HDX: variants seen among roughly 807,000 people sequenced by gnomAD.
HDX encodes highly divergent homeobox.
In HDX, 19 loss-of-function variants were observed where a neutral mutation model predicts 45.2. The ratio of observed to expected loss-of-function variants is 0.42; its 90% CI spans 0.29 to 0.62. The LOEUF (loss-of-function observed/expected upper bound fraction) is 0.62, where lower values mean the gene tolerates loss of function less well. HDX is among the 20% of genes least tolerant of loss of function. The pLI is 0.20. For synonymous variants in HDX, 188 were observed against 172.8 expected (o/e 1.09, Z -0.69); for missense variants, 532 against 493.9 (o/e 1.08, Z -0.73).
At chrX:84,355,954 C>T (rs1266965234) in intron 6 of HDX, among the ~76,000 whole-genome samples, 9 of 108,981 alleles carry the variant, frequency 8.3e-5, no homozygotes, top group African/African-American at 3.0e-4. Context: ...ATGAGTAAGT[C>T]GGTAAATAGG....
At chrX:84,425,485 C>T (rs181148815) in intron 5 of HDX, among the ~76,000 whole-genome samples, 1 of 111,906 alleles carries the variant, frequency 8.9e-6, no homozygotes, top group East Asian at 2.8e-4. Context: ...AAAAGGAAGG[C>T]AATCAGTATA....
At chrX:84,376,066 T>C (rs954694156) in intron 5 of HDX, among the ~76,000 whole-genome samples, 1 of 112,065 alleles carries the variant, frequency 8.9e-6, no homozygotes, top group African/African-American at 3.2e-5. Context: ...AACTGGAGAT[T>C]ATGATTTAAC....
At chrX:84,384,672 A>G (rs966629574) in intron 5 of HDX, among the ~76,000 whole-genome samples, 4 of 110,574 alleles carry the variant, frequency 3.6e-5, no homozygotes, top group Non-Finnish European at 7.6e-5. Flanking sequence ...CTTATATTTA[A>G]ATCTTTAATA....
chrX:84,336,847 C>G lies in HDX; in HGVS notation c.1694G>C (p.Arg565Thr). ...EPNEVVPNDA[R>T]AHKEEDHHAV... ...ATGGTGGTCCTCTTCCTTATGAGCC[C>G]TTGCATCATTCGGAACAACTTCATT... The change falls in exon 8 of 11, where the codon AGG (arginine) becomes ACG (threonine). Residue 565 changes from arginine to threonine, a missense_variant. Arg to Thr is a moderately conservative substitution (Grantham distance 71). Around this residue, in one of 3 missense-constraint regions of HDX, gnomAD observed 151 missense variants for 131.8 expected, o/e 1.15. Transcript: ENST00000373177. 1.7e-6 allele frequency: 2 copies of G among 1,189,249 alleles called. No homozygotes were observed. The highest frequency in any genetic ancestry group is 2.3e-6 in the Non-Finnish European group (2 of 879,135).
At position 84,354,248 on chromosome X, in the gene HDX, C is replaced by T. The variant is rs189610292; in HGVS notation, c.1452+7218G>A. Among the ~76,000 whole-genome samples, 172 of 111,465 alleles carry T rather than the reference C, an allele frequency of 1.5e-3. 1 individual carries two copies. The highest frequency in any genetic ancestry group is 5.2e-3 in the African/African-American group (161 of 30,748). ...AACCAGAACACCTATGTATTAACAC[C>T]ACAAACATAATGGCTATTAAAAATG... On this transcript the variant is annotated intron_variant, in intron 6 of 10. Transcript: ENST00000373177.
chrX:84,370,446 A>G (rs771314990), intron 5 of HDX, among the ~76,000 whole-genome samples: 3 of 111,673 alleles, frequency 2.7e-5, no homozygotes, highest in East Asian at 5.6e-4. Flanking sequence ...ACTTACCATC[A>G]CAAAACTACT....
chrX:84,493,337 A>T (rs1271205852), intron 1 of HDX, among the ~76,000 whole-genome samples: 1 of 111,888 alleles, frequency 8.9e-6, no homozygotes, highest in Non-Finnish European at 1.9e-5. Context: ...AGGTGAAAAT[A>T]GAAACAAAAG....
At chrX:84,430,335 T>A (rs1219455246) in intron 5 of HDX, among the ~76,000 whole-genome samples, 2 of 111,133 alleles carry the variant, frequency 1.8e-5, no homozygotes, top group Non-Finnish European at 3.8e-5. Context: ...AATGTTGATA[T>A]GAATGACAGA....
intron 4 of HDX, among the ~76,000 whole-genome samples, chrX:84,451,386 A>C (rs2039993714): frequency 1.8e-5 from 2 of 111,377 alleles, no homozygotes; most frequent in African/African-American, 6.5e-5. Flanking sequence ...AGAGACTATA[A>C]AGAACAACTA....
chrX:84,421,786 T>C (rs1278711774), intron 5 of HDX, among the ~76,000 whole-genome samples: 1 of 110,366 alleles, frequency 9.1e-6, no homozygotes, highest in East Asian at 2.8e-4. Context: ...TCAGACAAAA[T>C]AGATATCAAG....
intron 5 of HDX, among the ~76,000 whole-genome samples, chrX:84,434,741 C>T (rs965336934): frequency 9.0e-6 from 1 of 111,494 alleles, no homozygotes; most frequent in Admixed American, 9.6e-5. Context: ...TTGAGAATAA[C>T]TGGTAATAAT....
At position 84,440,575 on chromosome X, in the gene HDX, T is replaced by A; in HGVS notation, c.1262A>T (p.Asn421Ile). The A allele has an allele frequency of 8.5e-7, 1 of 1,174,539 alleles. No individual in the cohort carries two copies. Among genetic ancestry groups the A allele is most frequent in the Non-Finnish European group, 1.2e-6 (1 of 864,590 alleles). Residue 421 changes from asparagine (N) to isoleucine (I), a missense_variant, in exon 5 of 11, where the codon AAC becomes ATC. Physicochemically the swap from Asn to Ile is moderately radical, Grantham distance 149. This residue lies in a region of HDX where 376 missense variants were observed against 343.7 expected (regional missense o/e 1.09). Coordinates refer to ENST00000373177, the MANE Select transcript of HDX (RefSeq NM_001177479.2). ...QNQNNYQISG[N>I]LTVPWITGCS... Reference sequence around the variant, plus strand: ...CCCTGTAATCCAAGGCACAGTAAGGTTTCCTGAAATCTGTGAAAACAATAA... The same window carrying A: ...CCCTGTAATCCAAGGCACAGTAAGGATTCCTGAAATCTGTGAAAACAATAA...
chrX:84,355,835 G>A (rs1342082119), intron 6 of HDX, among the ~76,000 whole-genome samples: 2 of 107,956 alleles, frequency 1.9e-5, no homozygotes, highest in African/African-American at 6.8e-5. Context: ...TTGTGCACAG[G>A]TACCCTAGAA....
chrX:84,386,582 AGAC>A (rs1231551424), intron 5 of HDX, among the ~76,000 whole-genome samples: 1 of 111,652 alleles, frequency 9.0e-6, no homozygotes, highest in East Asian at 2.8e-4. Flanking sequence ...CAATCATAGA[AGAC>A]TGTGTGTTTA....
intron 4 of HDX, among the ~76,000 whole-genome samples, chrX:84,457,854 G>A (rs1016846355): frequency 1.8e-5 from 2 of 112,029 alleles, no homozygotes; most frequent in African/African-American, 6.5e-5. Flanking sequence ...CGTGCAAAAT[G>A]TAACATGCTA....
At chrX:84,440,707 C>T (rs771010325) in intron 4 of HDX, 122 bp from the exon 5 acceptor site, 7 of 433,606 alleles carry the variant, frequency 1.6e-5, no homozygotes, top group Non-Finnish European at 2.7e-5. Flanking sequence ...ATATTCCCCA[C>T]GTATAAAATG....
chrX:84,409,612 C>A (rs1357754876), intron 5 of HDX, among the ~76,000 whole-genome samples: 1 of 103,496 alleles, frequency 9.7e-6, no homozygotes, highest in African/African-American at 3.5e-5. Context: ...TCTCAGCAAA[C>A]TATCGCAAGG....
intron 5 of HDX, among the ~76,000 whole-genome samples, chrX:84,397,505 C>T (rs184524101): frequency 6.3e-5 from 7 of 111,290 alleles, no homozygotes; most frequent in East Asian, 2.9e-4. Context: ...CAGGAGTCCA[C>T]GGTAGAAAGG....
In HDX at chrX:84,469,573, C is replaced by T. The variant is rs769377996; in HGVS notation, c.150G>A (p.Thr50=). The change falls in exon 4 of 11, where the codon ACG becomes ACA. Residue 50 remains threonine (T), a splice_region_variant and synonymous_variant. Transcript: ENST00000373177. ...TCTTTCTTCTCTTATTGCCAACCCACGTCTGGAAGGATAAAACATGGTATT... is the reference window on the plus strand; with the variant it reads ...TCTTTCTTCTCTTATTGCCAACCCATGTCTGGAAGGATAAAACATGGTATT... The part of the protein sequence containing the change: ...ETKLDFSVVR[T]WVGNKRRKMS... The T allele has an allele frequency of 2.6e-6, 3 of 1,155,675 alleles. No individual in the cohort carries two copies. The highest frequency in any genetic ancestry group is 2.3e-6 in the Non-Finnish European group (2 of 868,852).
Sources: allele counts gnomAD v4.1 joint callset (sites outside exome capture counted in the v4.1 genomes callset), GRCh38; gene constraint gnomAD v4.1.1; regional missense constraint gnomAD v4.1.1; transcripts MANE v1.5; gene names NCBI Gene and HGNC (gene_info 2026-07-23, HGNC 2026-07-21).